Variants in FGGY observed in about 807,000 individuals in gnomAD.
FGGY encodes FGGY carbohydrate kinase domain-containing protein.
A neutral mutation model predicts 71.3 loss-of-function variants in FGGY; 72 were observed. The ratio of observed to expected loss-of-function variants is 1.01; its 90% CI spans 0.84 to 1.23. The LOEUF (loss-of-function observed/expected upper bound fraction) is 1.23. Ranked by LOEUF, FGGY falls within the 50% of genes most tolerant of loss-of-function variation. FGGY has a pLI of 0.00. For synonymous variants in FGGY, 251 were observed against 250.3 expected (o/e 1.00, Z -0.02); for missense variants, 668 against 682.3 (o/e 0.98, Z 0.23).
At chr1:59,643,327 T>C (rs1467656907) in intron 11 of FGGY, among the ~76,000 whole-genome samples, 1 of 152,106 alleles carries the variant, frequency 6.6e-6, no homozygotes, top group East Asian at 1.9e-4. Flanking sequence ...TAGCTAAGAC[T>C]ACACAGGCAC....
intron 2 of FGGY, among the ~76,000 whole-genome samples, chr1:59,326,892 AG>A (rs1397607259): frequency 2.0e-5 from 3 of 152,350 alleles, no homozygotes; most frequent in African/African-American, 7.2e-5. Flanking sequence ...TGCATATGAA[AG>A]TTATGTTTAC....
At chr1:59,473,948 G>A (rs929605491) in intron 6 of FGGY, among the ~76,000 whole-genome samples, 1 of 152,114 alleles carries the variant, frequency 6.6e-6, no homozygotes, top group Non-Finnish European at 1.5e-5. Flanking sequence ...AAGGTTTGTT[G>A]TGAAGCTGGA....
At chr1:59,569,783 T>G (rs917161418) in intron 8 of FGGY, among the ~76,000 whole-genome samples, 2 of 152,196 alleles carry the variant, frequency 1.3e-5, no homozygotes, top group African/African-American at 2.4e-5. Flanking sequence ...AGTGAATCAG[T>G]CAGAGCAGAT....
chr1:59,668,422 G>A (rs755222300), intron 13 of FGGY, among the ~76,000 whole-genome samples: 1 of 152,086 alleles, frequency 6.6e-6, no homozygotes, highest in Non-Finnish European at 1.5e-5. Context: ...CCTGATAAGA[G>A]CCCACTTGAC....
chr1:59,637,073 C>A (rs1263005483), intron 10 of FGGY, among the ~76,000 whole-genome samples: 1 of 152,140 alleles, frequency 6.6e-6, no homozygotes, highest in Non-Finnish European at 1.5e-5. Context: ...GGAAGGTTGA[C>A]CAGCTTTCAT....
intron 1 of FGGY, among the ~76,000 whole-genome samples, chr1:59,312,211 A>G (rs111606691): frequency 2.0e-5 from 3 of 152,112 alleles, no homozygotes; most frequent in African/African-American, 7.2e-5. Flanking sequence ...TTGCCTGTTC[A>G]CTCTGCTGAT....
intron 11 of FGGY, among the ~76,000 whole-genome samples, chr1:59,653,333 C>T (rs1007870007): frequency 5.9e-5 from 9 of 152,334 alleles, no homozygotes; most frequent in South Asian, 2.1e-4. Context: ...TGGGCAATGG[C>T]GGGCGCCCCT....
At chr1:59,599,013 C>T (rs1168772427) in intron 8 of FGGY, among the ~76,000 whole-genome samples, 2 of 152,224 alleles carry the variant, frequency 1.3e-5, no homozygotes, top group Non-Finnish European at 2.9e-5. Flanking sequence ...GCAGGAGTAC[C>T]TAACCCAGCA....
chr1:59,377,914 T>C (rs2058869987), intron 4 of FGGY, among the ~76,000 whole-genome samples: 1 of 152,196 alleles, frequency 6.6e-6, no homozygotes, highest in African/African-American at 2.4e-5. Context: ...TACAATGGCT[T>C]GCTTATGTGG....
At position 59,690,390 on chromosome 1, in the gene FGGY, A is replaced by G. The variant is rs150151360; in HGVS notation, c.1512+16257A>G. On this transcript the variant is annotated intron_variant, in intron 14 of 15. Coordinates refer to ENST00000303721, the MANE Select transcript of FGGY (RefSeq NM_018291.5). ...CACCAAGAGGCCACGCGCTTTCCCA[A>G]GCTTACATAGCTGGTAAAAGGTGAA... Among the ~76,000 whole-genome samples, 61 of 152,320 alleles carry G rather than the reference A, an allele frequency of 4.0e-4. 1 individual carries two copies. Among genetic ancestry groups the G allele is most frequent in the African/African-American group, 1.4e-3 (58 of 41,578 alleles).
chr1:59,338,737 G>T (rs1394685900), intron 2 of FGGY, among the ~76,000 whole-genome samples: 1 of 152,092 alleles, frequency 6.6e-6, no homozygotes, highest in Admixed American at 6.5e-5. Flanking sequence ...AATAAAAATA[G>T]TTTTTTCACT....
At chr1:59,699,924 C>T (rs1167470990) in intron 14 of FGGY, among the ~76,000 whole-genome samples, 1 of 152,076 alleles carries the variant, frequency 6.6e-6, no homozygotes, top group African/African-American at 2.4e-5. Flanking sequence ...CCATATTCAC[C>T]CTTATAAAGT....
intron 4 of FGGY, among the ~76,000 whole-genome samples, chr1:59,362,579 T>C (rs2055779663): frequency 1.3e-5 from 2 of 152,226 alleles, no homozygotes; most frequent in Admixed American, 1.3e-4. Flanking sequence ...CCTGCACTTT[T>C]ACTCAGGCCA....
At chr1:59,730,777 A>C (rs115806371) in intron 14 of FGGY, among the ~76,000 whole-genome samples, 1 of 152,188 alleles carries the variant, frequency 6.6e-6, no homozygotes, top group Non-Finnish European at 1.5e-5. Flanking sequence ...CAGAGAAGAA[A>C]ACCATCACCT....
chr1:59,438,822 A>T (rs969727787), intron 5 of FGGY, among the ~76,000 whole-genome samples: 1 of 152,238 alleles, frequency 6.6e-6, no homozygotes, highest in East Asian at 1.9e-4. Context: ...AGAAATTTAC[A>T]TACTGGGTTA....
chr1:59,735,607 C>T (rs964323144), intron 14 of FGGY, among the ~76,000 whole-genome samples: 8 of 152,188 alleles, frequency 5.3e-5, no homozygotes, highest in Non-Finnish European at 1.0e-4. Flanking sequence ...CTCTACAAGG[C>T]AGCTATGACT....
At chr1:59,653,264 G>A (rs541145005) in intron 11 of FGGY, among the ~76,000 whole-genome samples, 1 of 152,356 alleles carries the variant, frequency 6.6e-6, no homozygotes, top group Non-Finnish European at 1.5e-5. Flanking sequence ...GCCTCCTTGA[G>A]CTGTGGTGGA....
chr1:59,558,914 C>G lies in FGGY; in HGVS notation c.903+4687C>G, dbSNP rs539644824. ...GGAAAATAATTTAGCGATATCTTCCCTACCTGCACATCTGTTTTAGGCTGT... is the reference window on the plus strand; with the variant it reads ...GGAAAATAATTTAGCGATATCTTCCGTACCTGCACATCTGTTTTAGGCTGT... On this transcript the variant is annotated intron_variant, in intron 8 of 15. Transcript: ENST00000303721. 2.6e-5 allele frequency among the ~76,000 whole-genome samples: 4 copies of G among 152,150 alleles called. No homozygotes were observed. The East Asian group carries it at 7.7e-4, about 29-fold the overall frequency.
chr1:59,325,281 T>C (rs1056221811), intron 2 of FGGY, among the ~76,000 whole-genome samples: 7 of 152,010 alleles, frequency 4.6e-5, no homozygotes, highest in Non-Finnish European at 8.8e-5. Flanking sequence ...GGCGTGAACC[T>C]GGGAGGCGGA....
Sources: gnomAD v4.1 joint callset for allele counts (sites outside exome capture counted in the v4.1 genomes callset) on GRCh38, gnomAD v4.1.1 for gene constraint, MANE v1.5 for transcripts, NCBI Gene and HGNC (gene_info 2026-07-23, HGNC 2026-07-21) for gene names.